Variants in SCHIP1 observed in about 807,000 individuals in gnomAD.
SCHIP1 encodes schwannomin interacting protein 1.
In SCHIP1, 8 loss-of-function variants were observed where a neutral mutation model predicts 29.7. That is an observed-to-expected ratio of 0.27 (90% confidence interval 0.16 to 0.49). SCHIP1 has a LOEUF of 0.49. Ranked by LOEUF, SCHIP1 falls within the 20% of genes least tolerant of loss-of-function variation. The probability of loss-of-function intolerance (pLI) is 0.99; values close to 1 mark genes in which losing one functional copy is unlikely to be tolerated. For synonymous variants in SCHIP1, 76 were observed against 94.9 expected, an observed-to-expected ratio of 0.80 and a Z score of 1.16; for missense variants, 193 against 294.6, an observed-to-expected ratio of 0.66 and a Z score of 2.52.
the SCHIP1 span, among the ~76,000 whole-genome samples, chr3:159,648,966 T>C: frequency 1.3e-5 from 2 of 152,294 alleles, no homozygotes; most frequent in Admixed American, 1.3e-4. Flanking sequence ...AAACTAATCC[T>C]ACTTAACATA....
the SCHIP1 span, among the ~76,000 whole-genome samples, chr3:159,578,973 G>A: frequency 2.6e-5 from 4 of 152,064 alleles, no homozygotes; most frequent in African/African-American, 4.8e-5. Context: ...ACATCTTGGC[G>A]GGGATTTTGT....
At chr3:159,629,617 C>T in the SCHIP1 span, among the ~76,000 whole-genome samples, 20 of 152,322 alleles carry the variant, frequency 1.3e-4, no homozygotes, top group South Asian at 3.7e-3. Flanking sequence ...GGGCAAGTCA[C>T]AGCCTCCCTG....
At chr3:159,517,924 A>G in the SCHIP1 span, among the ~76,000 whole-genome samples, 1 of 152,110 alleles carries the variant, frequency 6.6e-6, no homozygotes, top group African/African-American at 2.4e-5. Context: ...ATTTGGAACT[A>G]TGCAGATTTA....
At chr3:159,301,740 C>T in the SCHIP1 span, among the ~76,000 whole-genome samples, 2,910 of 152,242 alleles carry the variant, frequency 0.019, 98 homozygotes, top group African/African-American at 0.067. Context: ...CCTTTGCCTT[C>T]CGTCATGTTT....
chr3:159,813,174 C>A, the SCHIP1 span, among the ~76,000 whole-genome samples: 1 of 152,178 alleles, frequency 6.6e-6, no homozygotes, highest in Non-Finnish European at 1.5e-5. Flanking sequence ...CAAACCATAG[C>A]AGCTATCTAT....
At chr3:159,551,480 G>C in the SCHIP1 span, among the ~76,000 whole-genome samples, 3 of 152,064 alleles carry the variant, frequency 2.0e-5, no homozygotes, top group Non-Finnish European at 4.4e-5. Context: ...ATCAAGATTG[G>C]GAGATTGTGA....
the SCHIP1 span, among the ~76,000 whole-genome samples, chr3:159,757,181 C>G: frequency 8.8e-3 from 1,338 of 152,220 alleles, 17 homozygotes; most frequent in African/African-American, 0.031. Flanking sequence ...AAAGACATAC[C>G]CAAGACTGGG....
chr3:159,490,877 G>A, the SCHIP1 span, among the ~76,000 whole-genome samples: 4 of 151,754 alleles, frequency 2.6e-5, no homozygotes, highest in Non-Finnish European at 4.4e-5. Context: ...CAGTGAGTAT[G>A]GCTCTACACC....
the SCHIP1 span, among the ~76,000 whole-genome samples, chr3:159,582,783 T>TACACACAC: frequency 6.9e-4 from 58 of 84,162 alleles, no homozygotes; most frequent in African/African-American, 2.1e-3. Context: ...CTGAAATATA[T>TACACACAC]ATATACACAC....
the SCHIP1 span, among the ~76,000 whole-genome samples, chr3:159,670,839 T>C: frequency 6.6e-6 from 1 of 152,090 alleles, no homozygotes; most frequent in Non-Finnish European, 1.5e-5. Context: ...CCAGATAGTG[T>C]TCTCCCTCTC....
At chr3:159,742,285 C>T in the SCHIP1 span, among the ~76,000 whole-genome samples, 8 of 152,186 alleles carry the variant, frequency 5.3e-5, no homozygotes, top group Non-Finnish European at 1.0e-4. Context: ...CAAATGCTGC[C>T]ACTGGGAGTT....
the SCHIP1 span, among the ~76,000 whole-genome samples, chr3:159,659,971 A>T: frequency 6.6e-6 from 1 of 152,194 alleles, no homozygotes; most frequent in Admixed American, 6.5e-5. Context: ...AAGTTCAAGC[A>T]ACATAGGACA....
At chr3:159,357,164 G>C in the SCHIP1 span, among the ~76,000 whole-genome samples, 3 of 152,248 alleles carry the variant, frequency 2.0e-5, no homozygotes, top group South Asian at 6.2e-4. Context: ...TCCTGTAATT[G>C]AATATCACTT....
the SCHIP1 span, among the ~76,000 whole-genome samples, chr3:159,603,086 T>TG: frequency 2.0e-5 from 3 of 152,350 alleles, no homozygotes; most frequent in Admixed American, 1.3e-4. Context: ...ATGCTATCCT[T>TG]GGGTTCAGTT....
the SCHIP1 span, among the ~76,000 whole-genome samples, chr3:159,693,710 G>C: frequency 6.6e-6 from 1 of 152,264 alleles, no homozygotes; most frequent in Non-Finnish European, 1.5e-5. Context: ...ACCTGCCTAG[G>C]AAGCAAACAA....
At chr3:159,281,050 T>G in the SCHIP1 span, among the ~76,000 whole-genome samples, 3 of 152,132 alleles carry the variant, frequency 2.0e-5, no homozygotes, top group African/African-American at 7.2e-5. Flanking sequence ...TCTGTTTGGG[T>G]GCTTGGATGG....
chr3:159,732,598 G>A, the SCHIP1 span, among the ~76,000 whole-genome samples: 1 of 152,220 alleles, frequency 6.6e-6, no homozygotes, highest in Admixed American at 6.5e-5. Context: ...AGCCAGTGAG[G>A]ATGCATCTAA....
the SCHIP1 span, among the ~76,000 whole-genome samples, chr3:159,574,959 A>G: frequency 6.6e-6 from 1 of 152,222 alleles, no homozygotes; most frequent in Admixed American, 6.5e-5. Context: ...AAACCTTGGG[A>G]AAAGTGCAGT....
the SCHIP1 span, among the ~76,000 whole-genome samples, chr3:159,396,753 A>G: frequency 6.6e-6 from 1 of 151,134 alleles, no homozygotes; most frequent in Non-Finnish European, 1.5e-5. Flanking sequence ...TGCCCTTAAC[A>G]TTTTTTCCTT....
Sources: gnomAD v4.1 joint callset for allele counts (sites outside exome capture counted in the v4.1 genomes callset) on GRCh38, gnomAD v4.1.1 for gene constraint, MANE v1.5 for transcripts, NCBI Gene and HGNC (gene_info 2026-07-23, HGNC 2026-07-21) for gene names.